UNC13C: variants seen among roughly 807,000 people sequenced by gnomAD.
The protein encoded by UNC13C is protein unc-13 homolog C.
UNC13C carries 174 observed loss-of-function variants against 245.4 expected under a neutral mutation model. That is an observed-to-expected ratio of 0.71 (90% confidence interval 0.63 to 0.80). The LOEUF (loss-of-function observed/expected upper bound fraction) is 0.80. Among genes scored for constraint, UNC13C ranks in the 30% least tolerant of loss-of-function variants. The pLI is 0.00. For missense variants in UNC13C, 2,829 were observed against 2,602.9 expected (o/e 1.09, Z -1.89); for synonymous variants, 992 against 895.1 (o/e 1.11, Z -1.93).
At chr15:54,318,170 G>A (rs1272991713) in intron 13 of UNC13C, among the ~76,000 whole-genome samples, 1 of 151,856 alleles carries the variant, frequency 6.6e-6, no homozygotes, top group Admixed American at 6.6e-5. Context: ...CTTGGCTGTT[G>A]TGCTGCAATA....
chr15:54,402,745 A>C (rs1169206332), intron 18 of UNC13C, among the ~76,000 whole-genome samples: 1 of 152,234 alleles, frequency 6.6e-6, no homozygotes, highest in African/African-American at 2.4e-5. Context: ...CTTATCTAGT[A>C]ATAGGCAGAA....
At chr15:54,362,075 C>T (rs1042840723) in intron 17 of UNC13C, among the ~76,000 whole-genome samples, 18 of 152,200 alleles carry the variant, frequency 1.2e-4, no homozygotes, top group African/African-American at 4.8e-5. Flanking sequence ...TCTATGGCTC[C>T]AGCCAGTCTC....
At chr15:54,230,435 C>T (rs1326575704) in intron 4 of UNC13C, among the ~76,000 whole-genome samples, 1 of 150,800 alleles carries the variant, frequency 6.6e-6, no homozygotes, top group African/African-American at 2.4e-5. Flanking sequence ...TGTATATATT[C>T]AATATGTTAT....
rs1345264601 is a variant in UNC13C at position 54,015,136 on chromosome 15, A to G, written c.2233A>G (p.Asn745Asp). 2 of 1,612,512 alleles carry G rather than the reference A, an allele frequency of 1.2e-6. No individual in the cohort carries two copies. The highest frequency in any genetic ancestry group is 2.2e-5 in the South Asian group (2 of 90,800). ...CCAATATGATTCTTATCAGGGAGCT[A>G]ATTCTAATGAGCTATACCAAAATCA... ...VGQYDSYQGA[N>D]SNELYQNQNQ... Residue 745 changes from asparagine to aspartate, a missense_variant, in exon 2 of 33, where the codon AAT (asparagine) becomes GAT (aspartate). By Grantham distance (23) the Asn-to-Asp change is conservative. Transcript: ENST00000260323.
At chr15:54,125,322 G>A (rs2030964378) in intron 2 of UNC13C, among the ~76,000 whole-genome samples, 2 of 152,112 alleles carry the variant, frequency 1.3e-5, no homozygotes, top group South Asian at 2.1e-4. Context: ...AATTAGCCTG[G>A]CATGGTGGTG....
chr15:54,515,167 G>A lies in UNC13C; in HGVS notation c.5457+3337G>A, dbSNP rs558653216. Among the ~76,000 whole-genome samples the A allele has an allele frequency of 1.2e-3, 178 of 152,128 alleles. 1 individual carries two copies. The highest frequency in any genetic ancestry group is 7.4e-5 in the Non-Finnish European group (5 of 68,002). On this transcript the variant is annotated intron_variant, in intron 24 of 32. Transcript: ENST00000260323. ...TCTGTTTTTTTAAAAAGCACCTCTG[G>A]TGATTTTTTATGTGGATACAGTTTT...
intron 13 of UNC13C, among the ~76,000 whole-genome samples, chr15:54,307,997 T>A (rs924709016): frequency 6.6e-6 from 1 of 151,980 alleles, no homozygotes. Flanking sequence ...CAGATAGTCT[T>A]TCCTTTCATT....
chr15:54,500,773 A>G, intron 21 of UNC13C, 62 bp from the exon 22 acceptor site: 1 of 1,446,114 alleles, frequency 6.9e-7, no homozygotes, highest in Non-Finnish European at 9.5e-7. Context: ...GGAAACAGTG[A>G]AGATTTTTCC....
intron 19 of UNC13C, among the ~76,000 whole-genome samples, chr15:54,484,773 A>G (rs969288899): frequency 2.0e-5 from 3 of 152,214 alleles, no homozygotes; most frequent in African/African-American, 7.2e-5. Flanking sequence ...TATGCTGTAA[A>G]TCATTGATAG....
intron 17 of UNC13C, among the ~76,000 whole-genome samples, chr15:54,369,069 T>TA (rs972679415): frequency 2.0e-5 from 3 of 152,204 alleles, no homozygotes; most frequent in Admixed American, 6.5e-5. Context: ...CCTTCAGAGT[T>TA]AAAAATGAAA....
intron 2 of UNC13C, among the ~76,000 whole-genome samples, chr15:54,071,471 C>A (rs927593566): frequency 6.6e-6 from 1 of 151,684 alleles, no homozygotes; most frequent in Non-Finnish European, 1.5e-5. Flanking sequence ...CTTCTGCAAC[C>A]AACTCATAAA....
chr15:54,085,311 G>T (rs1899175669), intron 2 of UNC13C, among the ~76,000 whole-genome samples: 1 of 152,150 alleles, frequency 6.6e-6, no homozygotes, highest in Non-Finnish European at 1.5e-5. Flanking sequence ...AAGTTTAGTT[G>T]CACTTTTGAC....
At chr15:54,122,761 G>A (rs145128938) in intron 2 of UNC13C, among the ~76,000 whole-genome samples, 278 of 152,084 alleles carry the variant, frequency 1.8e-3, no homozygotes, top group Non-Finnish European at 3.3e-3. Context: ...CTTTCAGTTA[G>A]CACAATGGTG....
intron 19 of UNC13C, among the ~76,000 whole-genome samples, chr15:54,423,717 C>A (rs1397020243): frequency 6.6e-6 from 1 of 151,792 alleles, no homozygotes; most frequent in Non-Finnish European, 1.5e-5. Flanking sequence ...AACAAGGGAA[C>A]AGAGCTAACT....
chr15:54,056,342 C>G (rs1897520978), intron 2 of UNC13C, among the ~76,000 whole-genome samples: 1 of 152,048 alleles, frequency 6.6e-6, no homozygotes, highest in African/African-American at 2.4e-5. Flanking sequence ...ATGCGATCAA[C>G]TGGAAGAAAG....
At chr15:54,489,524 A>G (rs1310618712) in intron 19 of UNC13C, among the ~76,000 whole-genome samples, 1 of 152,222 alleles carries the variant, frequency 6.6e-6, no homozygotes, top group African/African-American at 2.4e-5. Flanking sequence ...TATGTATGCA[A>G]GAAGAAAGAA....
At chr15:54,309,000 A>G (rs1327419134) in intron 13 of UNC13C, among the ~76,000 whole-genome samples, 1 of 151,654 alleles carries the variant, frequency 6.6e-6, no homozygotes, top group Non-Finnish European at 1.5e-5. Flanking sequence ...ATACTGATTT[A>G]TTTTCTTTGG....
At chr15:54,076,003 A>C (rs1190874489) in intron 2 of UNC13C, among the ~76,000 whole-genome samples, 1 of 150,082 alleles carries the variant, frequency 6.7e-6, no homozygotes, top group Non-Finnish European at 1.5e-5. Context: ...ATTGCAGTGC[A>C]CTTCAGAATA....
intron 7 of UNC13C, 59 bp downstream of exon 7, chr15:54,237,749 G>C: frequency 7.4e-7 from 1 of 1,351,972 alleles, no homozygotes. Flanking sequence ...TCACAAGGGA[G>C]AAACTGTTCT....
Sources: allele counts gnomAD v4.1 joint callset (sites outside exome capture counted in the v4.1 genomes callset), GRCh38; gene constraint gnomAD v4.1.1; transcripts MANE v1.5; gene names NCBI Gene and HGNC (gene_info 2026-07-23, HGNC 2026-07-21).